Variants in DGKI observed in about 807,000 individuals in gnomAD.
DGKI encodes the protein DAG kinase iota.
DGKI carries 55 observed loss-of-function variants against 147.5 expected under a neutral mutation model. The observed-to-expected ratio is 0.37, with a 90% CI of 0.30 to 0.47. The LOEUF (loss-of-function observed/expected upper bound fraction) is 0.47, where lower values mean the gene tolerates loss of function less well. Among genes scored for constraint, DGKI ranks in the 20% least tolerant of loss-of-function variants. The pLI, the probability that DGKI is intolerant of heterozygous loss-of-function variation, is 1.00. For missense variants in DGKI, 1,007 were observed against 1,323.8 expected (o/e 0.76, Z 3.71); for synonymous variants, 469 against 477.1 (o/e 0.98, Z 0.22).
intron 2 of DGKI, among the ~76,000 whole-genome samples, chr7:137,688,785 T>C (rs568195205): frequency 2.6e-5 from 4 of 152,216 alleles, no homozygotes; most frequent in South Asian, 2.1e-4. Context: ...TAAATAGCTG[T>C]CCTGGAATAA....
At chr7:137,519,447 A>G (rs1044615226) in intron 21 of DGKI, among the ~76,000 whole-genome samples, 1 of 152,052 alleles carries the variant, frequency 6.6e-6, no homozygotes, top group African/African-American at 2.4e-5. Context: ...CAAACGCAGT[A>G]CCATGCTACT....
intron 11 of DGKI, among the ~76,000 whole-genome samples, chr7:137,598,748 T>C: frequency 6.6e-6 from 1 of 152,138 alleles, no homozygotes. Flanking sequence ...CTCTGAAGTG[T>C]CTCTCTAGGG....
chr7:137,594,538 C>A (rs1563102858), intron 12 of DGKI, among the ~76,000 whole-genome samples: 1 of 152,140 alleles, frequency 6.6e-6, no homozygotes, highest in Non-Finnish European at 1.5e-5. Context: ...TATTCAATTT[C>A]TGATTTCTCC....
intron 1 of DGKI, among the ~76,000 whole-genome samples, chr7:137,755,538 C>T (rs1411729596): frequency 1.3e-5 from 2 of 152,182 alleles, no homozygotes; most frequent in Non-Finnish European, 2.9e-5. Flanking sequence ...AACAAATCGA[C>T]CTGAATGCTC....
intron 27 of DGKI, among the ~76,000 whole-genome samples, chr7:137,461,392 T>C (rs1814437188): frequency 6.6e-6 from 1 of 152,246 alleles, no homozygotes; most frequent in Non-Finnish European, 1.5e-5. Context: ...CCATCAATAG[T>C]AGTTATTATT....
At chr7:137,737,111 C>T (rs1187510300) in intron 1 of DGKI, among the ~76,000 whole-genome samples, 4 of 146,094 alleles carry the variant, frequency 2.7e-5, no homozygotes, top group Middle Eastern at 3.7e-3. Flanking sequence ...AAATCATAAA[C>T]ATTGAAATAC....
At chr7:137,829,244 G>C (rs117210045) in intron 1 of DGKI, among the ~76,000 whole-genome samples, 92 of 152,362 alleles carry the variant, frequency 6.0e-4, no homozygotes, top group Non-Finnish European at 1.2e-3. Context: ...GTGGTGAGGA[G>C]AGGAACATAG....
chr7:137,673,877 T>A (rs1017311485), intron 3 of DGKI, among the ~76,000 whole-genome samples: 5 of 152,154 alleles, frequency 3.3e-5, no homozygotes, highest in Non-Finnish European at 5.9e-5. Flanking sequence ...CCCCAGAGCA[T>A]GAGAACAGTT....
At chr7:137,603,452 A>G (rs917179057) in intron 10 of DGKI, among the ~76,000 whole-genome samples, 1 of 152,248 alleles carries the variant, frequency 6.6e-6, no homozygotes, top group African/African-American at 2.4e-5. Flanking sequence ...AGAAATTATT[A>G]TTTCAAACTG....
At chr7:137,777,154 T>C (rs910586068) in intron 1 of DGKI, among the ~76,000 whole-genome samples, 3 of 152,144 alleles carry the variant, frequency 2.0e-5, no homozygotes, top group African/African-American at 7.2e-5. Flanking sequence ...ATCATGCCAC[T>C]GAGCTTCAGC....
At chr7:137,797,204 T>C (rs1000877843) in intron 1 of DGKI, among the ~76,000 whole-genome samples, 3 of 152,212 alleles carry the variant, frequency 2.0e-5, no homozygotes, top group Non-Finnish European at 2.9e-5. Flanking sequence ...CTAGCAAAAC[T>C]ATTCTTCAAA....
chr7:137,383,216 CAATTGGCAAAATT>C lies in DGKI; in HGVS notation c.*7991_*8003del, dbSNP rs1811099778. The C allele has an allele frequency of 6.7e-6, 1 of 150,180 alleles. No individual in the cohort carries two copies. The highest frequency in any genetic ancestry group is 1.5e-5 in the Non-Finnish European group (1 of 67,582). 9.3% of individuals were successfully genotyped at this position (150,180 alleles called of 1,614,324 possible). ...TTTAGGAGATTTGGGAATTGGCTAA[CAATTGGCAAAATT>C]GCTAGCCAATTTCCAAATCTCCTAA... On this transcript the variant is annotated 3_prime_UTR_variant, in exon 33 of 33. Transcript: ENST00000614521.
chr7:137,416,669 C>G (rs1472490849), intron 28 of DGKI, among the ~76,000 whole-genome samples: 1 of 152,064 alleles, frequency 6.6e-6, no homozygotes, highest in East Asian at 1.9e-4. Flanking sequence ...AGTCTGCTTC[C>G]CCCCCTCTGG....
intron 29 of DGKI, among the ~76,000 whole-genome samples, chr7:137,408,724 A>G (rs1170041493): frequency 6.6e-6 from 1 of 152,218 alleles, no homozygotes; most frequent in East Asian, 1.9e-4. Context: ...AAAAAAAAAC[A>G]AAACAGAATT....
intron 1 of DGKI, among the ~76,000 whole-genome samples, chr7:137,836,799 G>T (rs1386208784): frequency 6.6e-6 from 1 of 152,176 alleles, no homozygotes. Flanking sequence ...TATTCACAGA[G>T]CTAAGTTTTA....
intron 15 of DGKI, among the ~76,000 whole-genome samples, chr7:137,581,398 G>A (rs750232475): frequency 1.1e-4 from 16 of 152,080 alleles, no homozygotes; most frequent in Non-Finnish European, 1.6e-4. Flanking sequence ...TACAAACAGA[G>A]GGGACATTTT....
chr7:137,533,897 C>T (rs1162700496), intron 20 of DGKI, among the ~76,000 whole-genome samples: 1 of 152,004 alleles, frequency 6.6e-6, no homozygotes, highest in African/African-American at 2.4e-5. Flanking sequence ...CTTGGTGAAT[C>T]ATGTATAGAA....
At chr7:137,477,455 A>C (rs969681834) in intron 23 of DGKI, among the ~76,000 whole-genome samples, 1 of 152,186 alleles carries the variant, frequency 6.6e-6, no homozygotes, top group African/African-American at 2.4e-5. Flanking sequence ...ATTGGCAACA[A>C]TACTACACAA....
intron 6 of DGKI, among the ~76,000 whole-genome samples, chr7:137,626,626 A>C (rs1226449581): frequency 2.0e-5 from 3 of 152,128 alleles, no homozygotes; most frequent in African/African-American, 7.2e-5. Context: ...ATCATCCCCC[A>C]AGCCATTTTT....
Sources: allele counts gnomAD v4.1 joint callset (sites outside exome capture counted in the v4.1 genomes callset), GRCh38; gene constraint gnomAD v4.1.1; transcripts MANE v1.5; gene names NCBI Gene and HGNC (gene_info 2026-07-23, HGNC 2026-07-21).